CCR7: variants seen among roughly 807,000 people sequenced by gnomAD.
The protein encoded by CCR7 is C-C chemokine receptor type 7.
In CCR7, 11 loss-of-function variants were observed where a neutral mutation model predicts 26.0. The ratio of observed to expected loss-of-function variants is 0.42; its 90% confidence interval spans 0.27 to 0.70. CCR7 has a LOEUF of 0.70. Among genes scored for constraint, CCR7 ranks in the 30% least tolerant of loss-of-function variants. The pLI is 0.23. For synonymous variants in CCR7, 189 were observed against 202.1 expected (o/e 0.94, Z 0.55); for missense variants, 360 against 504.0 (o/e 0.71, Z 2.74).
intron 2 of CCR7, among the ~76,000 whole-genome samples, chr17:40,556,676 C>T (rs529980053): frequency 1.0e-3 from 154 of 152,266 alleles, no homozygotes; most frequent in African/African-American, 3.5e-3. Flanking sequence ...CTGGAAGCTC[C>T]GTGAGAGAGG....
At chr17:40,557,116 C>CTCGCA (rs2036595878) in intron 2 of CCR7, among the ~76,000 whole-genome samples, 1 of 152,238 alleles carries the variant, frequency 6.6e-6, no homozygotes, top group Admixed American at 6.5e-5. Context: ...CTCTCTCTTC[C>CTCGCA]TCGCATCTCT....
intron 1 of CCR7, among the ~76,000 whole-genome samples, chr17:40,563,636 C>T (rs910847512): frequency 4.6e-5 from 7 of 152,124 alleles, no homozygotes; most frequent in Non-Finnish European, 8.8e-5. Context: ...CCAGAGAGCC[C>T]GTTTTGAGTA....
At chr17:40,565,359 AC>A in intron 1 of CCR7, 40 bp downstream of exon 1, 1 of 1,588,106 alleles carries the variant, frequency 6.3e-7, no homozygotes. Flanking sequence ...GGTGTCCAAG[AC>A]CCTGGTACTG....
chr17:40,556,798 G>A (rs1439938014), intron 2 of CCR7, among the ~76,000 whole-genome samples: 1 of 152,162 alleles, frequency 6.6e-6, no homozygotes, highest in Non-Finnish European at 1.5e-5. Flanking sequence ...CAAGGTTGAG[G>A]AGGGCCTGGA....
At position 40,554,554 on chromosome 17, in the gene CCR7, G is replaced by T; in HGVS notation, c.*188C>A. ...TAGCTTATCAGCCCTGTCTTTTTTT[G>T]GCATTGGTTGAGGTAGCTGGGATTG... On this transcript the variant is annotated 3_prime_UTR_variant, in exon 3 of 3. Transcript: ENST00000246657. 1 of 629,264 alleles carries T rather than the reference G, an allele frequency of 1.6e-6. No individual in the cohort carries two copies. The highest frequency in any genetic ancestry group is 2.8e-6 in the Non-Finnish European group (1 of 354,538). The allele number at this position is 629,264 out of a possible 1,614,324, so 39.0% of individuals were successfully genotyped here.
chr17:40,556,175 T>C (rs1428268385), intron 2 of CCR7, among the ~76,000 whole-genome samples: 1 of 152,128 alleles, frequency 6.6e-6, no homozygotes, highest in Non-Finnish European at 1.5e-5. Context: ...TAGCATCACC[T>C]GGGAACTTGT....
chr17:40,556,353 T>C (rs575599679), intron 2 of CCR7, among the ~76,000 whole-genome samples: 1 of 152,294 alleles, frequency 6.6e-6, no homozygotes, highest in African/African-American at 2.4e-5. Context: ...CCTGTGAACA[T>C]GTCTATCCTG....
chr17:40,557,134 G>C, intron 2 of CCR7, among the ~76,000 whole-genome samples: 1 of 152,206 alleles, frequency 6.6e-6, no homozygotes, highest in Non-Finnish European at 1.5e-5. Flanking sequence ...TCTTCCGGCA[G>C]ATCCCAATCA....
intron 1 of CCR7, among the ~76,000 whole-genome samples, chr17:40,559,704 G>A (rs1292822356): frequency 6.6e-6 from 1 of 152,218 alleles, no homozygotes; most frequent in East Asian, 1.9e-4. Flanking sequence ...TGCAGGCCCA[G>A]AATTGAGGAG....
intron 1 of CCR7, among the ~76,000 whole-genome samples, chr17:40,564,876 A>G (rs1055040003): frequency 6.6e-6 from 1 of 152,210 alleles, no homozygotes; most frequent in Admixed American, 6.5e-5. Context: ...AATGCACCGC[A>G]CCATTCTCAC....
At chr17:40,563,356 C>T (rs76139923) in intron 1 of CCR7, among the ~76,000 whole-genome samples, 3,660 of 152,204 alleles carry the variant, frequency 0.024, 53 homozygotes, top group African/African-American at 0.035. Flanking sequence ...CATTTATGTC[C>T]GAGCTGTGAG....
Position 40,555,523 on chromosome 17 carries a change from G to T in CCR7, c.356C>A (p.Ala119Asp), listed in dbSNP as rs770522078. 4 of 1,614,132 alleles carry T rather than the reference G, an allele frequency of 2.5e-6. No homozygotes were observed. Among genetic ancestry groups the T allele is most frequent in the Non-Finnish European group, 2.5e-6 (3 of 1,180,042 alleles). The change falls in exon 3 of 3, where the codon GCC (alanine) becomes GAC (aspartate). Residue 119 changes from alanine to aspartate, a missense_variant. Ala to Asp is a moderately radical substitution (Grantham distance 126, BLOSUM62 -2). Transcript: ENST00000246657. This position sits in a 1 kb window ranked among gnomAD's most constrained non-coding sequence, Gnocchi z 5.6. ...LTLPFWAYSAAKSWVFGVHFC... is the reference protein window; with the variant it reads ...LTLPFWAYSADKSWVFGVHFC... Reference sequence around the variant, plus strand: ...GTGGACACCGAAGACCCAGGACTTGGCCGCGCTGTAGGCCCAGAAGGGAAG... The same window carrying T: ...GTGGACACCGAAGACCCAGGACTTGTCCGCGCTGTAGGCCCAGAAGGGAAG...
intron 1 of CCR7, among the ~76,000 whole-genome samples, chr17:40,564,574 C>T (rs74811341): frequency 0.032 from 4,813 of 152,330 alleles, 96 homozygotes; most frequent in Non-Finnish European, 0.046. Flanking sequence ...GCGTCTGGAG[C>T]TGGATGAACC....
chr17:40,562,053 C>T (rs2036661332), intron 1 of CCR7, among the ~76,000 whole-genome samples: 1 of 152,192 alleles, frequency 6.6e-6, no homozygotes, highest in African/African-American at 2.4e-5. Flanking sequence ...CTATTATCCC[C>T]ATTTACCAAT....
intron 1 of CCR7, among the ~76,000 whole-genome samples, chr17:40,563,253 G>T (rs879623306): frequency 1.3e-5 from 2 of 152,146 alleles, no homozygotes; most frequent in East Asian, 1.9e-4. Context: ...TTCCAACAGC[G>T]ACCCCAGGCT....
chr17:40,562,062 A>G (rs1219283070), intron 1 of CCR7, among the ~76,000 whole-genome samples: 3 of 152,134 alleles, frequency 2.0e-5, no homozygotes, highest in Non-Finnish European at 4.4e-5. Flanking sequence ...CCATTTACCA[A>G]TGAGAAACTG....
chr17:40,565,250 G>A, intron 1 of CCR7, 150 bp downstream of exon 1: 2 of 763,754 alleles, frequency 2.6e-6, no homozygotes, highest in Non-Finnish European at 4.8e-6. Context: ...TTCTCTGGAA[G>A]TAGCTTCCAA....
At position 40,555,002 on chromosome 17, in the gene CCR7, T is replaced by C; in HGVS notation, c.877A>G (p.Ile293Val). The change falls in exon 3 of 3, where the codon ATC (isoleucine) becomes GTC (valine). Residue 293 changes from isoleucine (I) to valine (V), a missense_variant. Physicochemically the swap from Ile to Val is conservative, Grantham distance 29. Transcript: ENST00000246657. The surrounding 1 kb of genome is among the most constrained non-coding windows in gnomAD (Gnocchi z 5.6). ...CTGAGCTCACAGGTGCTACTGGTGA[T>C]GTTGAAGTTGGCCACCGTCTGGGCC... is the stretch of plus-strand genomic sequence containing the variant. The part of the protein sequence containing the change: ...VLAQTVANFN[I>V]TSSTCELSKQ... The C allele has an allele frequency of 6.2e-7, 1 of 1,614,160 alleles. No individual in the cohort carries two copies. Among genetic ancestry groups the C allele is most frequent in the African/African-American group, 1.3e-5 (1 of 75,030 alleles).
chr17:40,557,525 G>A (rs545634977), intron 2 of CCR7, among the ~76,000 whole-genome samples: 215 of 152,326 alleles, frequency 1.4e-3, no homozygotes, highest in Non-Finnish European at 2.8e-3. Context: ...AGCCTGAGAC[G>A]AAAAGTCAGT....
Sources: allele counts gnomAD v4.1 joint callset (sites outside exome capture counted in the v4.1 genomes callset), GRCh38; gene constraint gnomAD v4.1.1; non-coding constraint Gnocchi (gnomAD v3.1); transcripts MANE v1.5; gene names NCBI Gene and HGNC (gene_info 2026-07-23, HGNC 2026-07-21).